ZNF704: variants seen among roughly 807,000 people sequenced by gnomAD.
ZNF704 encodes glucocorticoid induced gene 1.
A neutral mutation model predicts 44.7 loss-of-function variants in ZNF704; 10 were observed. That is an observed-to-expected ratio of 0.22 (90% CI 0.14 to 0.38). The LOEUF (loss-of-function observed/expected upper bound fraction) is 0.38. Among genes scored for constraint, ZNF704 ranks in the 10% least tolerant of loss-of-function variants. The pLI, the probability that ZNF704 is intolerant of heterozygous loss-of-function variation, is 1.00. For synonymous variants in ZNF704, 211 were observed against 207.6 expected, an observed-to-expected ratio of 1.02 and a Z score of -0.14; for missense variants, 390 against 545.5, an observed-to-expected ratio of 0.71 and a Z score of 2.84.
At chr8:80,802,273 C>T (rs1807914896) in intron 2 of ZNF704, among the ~76,000 whole-genome samples, 1 of 150,066 alleles carries the variant, frequency 6.7e-6, no homozygotes, top group South Asian at 2.1e-4. Flanking sequence ...AGAGCTGGTA[C>T]TATTTCTACT....
chr8:80,757,634 T>G (rs1487836742), intron 2 of ZNF704, among the ~76,000 whole-genome samples: 2 of 152,312 alleles, frequency 1.3e-5, no homozygotes, highest in East Asian at 3.9e-4. Flanking sequence ...ACTCACTCAC[T>G]GACTCACCCA....
chr8:80,802,611 C>A (rs1345187572), intron 2 of ZNF704, among the ~76,000 whole-genome samples: 1 of 152,096 alleles, frequency 6.6e-6, no homozygotes, highest in Non-Finnish European at 1.5e-5. Flanking sequence ...TCAATAGATG[C>A]AGAAAAGGCC....
intron 2 of ZNF704, among the ~76,000 whole-genome samples, chr8:80,700,422 T>C (rs1403685372): frequency 6.6e-6 from 1 of 152,160 alleles, no homozygotes; most frequent in Non-Finnish European, 1.5e-5. Flanking sequence ...ATCTGTAAAA[T>C]GGAAATGACA....
chr8:80,866,131 A>C (rs180735099), intron 1 of ZNF704, among the ~76,000 whole-genome samples: 2 of 152,338 alleles, frequency 1.3e-5, no homozygotes, highest in Admixed American at 1.3e-4. Flanking sequence ...GCCAAACCAC[A>C]GAATCTTCTT....
At chr8:80,779,119 T>C (rs1232726539) in intron 2 of ZNF704, among the ~76,000 whole-genome samples, 1 of 151,708 alleles carries the variant, frequency 6.6e-6, no homozygotes, top group Non-Finnish European at 1.5e-5. Flanking sequence ...TCTCCTTCAT[T>C]CTTTCCTTTC....
intron 4 of ZNF704, among the ~76,000 whole-genome samples, chr8:80,673,865 C>T (rs982770922): frequency 7.2e-5 from 11 of 152,236 alleles, no homozygotes; most frequent in African/African-American, 2.7e-4. Flanking sequence ...GCCCACTGTT[C>T]ACATGGGCTT....
intron 2 of ZNF704, among the ~76,000 whole-genome samples, chr8:80,772,588 G>A (rs920604252): frequency 1.3e-5 from 2 of 151,964 alleles, no homozygotes; most frequent in Non-Finnish European, 2.9e-5. Context: ...TAGGGGGATG[G>A]TGCTAAACCA....
At chr8:80,861,082 C>T (rs1313324639) in intron 1 of ZNF704, among the ~76,000 whole-genome samples, 4 of 152,154 alleles carry the variant, frequency 2.6e-5, no homozygotes. Context: ...AAAGTAGCCA[C>T]AAGACTGTCT....
rs1211995887 is a variant in ZNF704, at chr8:80,630,655, G to A, written c.*10711C>T. ...AAAAAATGACCGTAGGCCACTCGCA[G>A]TTGCATCTGATGATAGTCATGAACC... is the stretch of plus-strand genomic sequence containing the variant. On this transcript the variant is annotated 3_prime_UTR_variant, in exon 9 of 9. Coordinates refer to ENST00000327835, the MANE Select transcript of ZNF704 (RefSeq NM_001033723.3). The A allele has an allele frequency of 2.0e-5, 3 of 152,084 alleles. No individual in the cohort carries two copies. Among genetic ancestry groups the A allele is most frequent in the Non-Finnish European group, 4.4e-5 (3 of 68,006 alleles). The allele number at this position is 152,084 out of a possible 1,614,324, so 9.4% of individuals were successfully genotyped here. A position where few individuals can be genotyped will look rare whatever the true frequency, so the allele number is the denominator to read the frequency against.
At chr8:80,710,527 AC>A (rs751731386) in intron 2 of ZNF704, among the ~76,000 whole-genome samples, 1 of 152,024 alleles carries the variant, frequency 6.6e-6, no homozygotes, top group South Asian at 2.1e-4. Context: ...TTGAAGCCCT[AC>A]CCCTCGACAT....
rs759943900 is a variant in ZNF704, at chr8:80,753,989, T to TA, written c.222-60883dup. ...GGCGAAGTGATGCAGGCAGAGACCT[T>TA]AGTGTGTACACCCTAAGCAAGCAGC... On this transcript the variant is annotated intron_variant, in intron 2 of 8. Transcript: ENST00000327835. Among the ~76,000 whole-genome samples, 7 of 152,158 alleles carry TA rather than the reference T, an allele frequency of 4.6e-5. 1 individual carries two copies. Among genetic ancestry groups the TA allele is most frequent in the East Asian group, 3.9e-4 (2 of 5,194 alleles).
At chr8:80,646,424 C>T (rs187144889) in intron 7 of ZNF704, among the ~76,000 whole-genome samples, 83 of 149,668 alleles carry the variant, frequency 5.5e-4, no homozygotes, top group Middle Eastern at 3.4e-3. Context: ...AGCAGTGAGT[C>T]GAGATTGTGC....
rs1360693664 is a variant in ZNF704, at chr8:80,635,386, T to C, written c.*5980A>G. On this transcript the variant is annotated 3_prime_UTR_variant, in exon 9 of 9. Transcript: ENST00000327835. ...AAAAATCAAGCACTTGTTCTTTTTG[T>C]TTTGTTTTTTTATTTTCCTTTTTTA... is the stretch of plus-strand genomic sequence containing the variant. 6.6e-6 allele frequency: 1 copy of C among 152,194 alleles called. No homozygotes were observed. Among genetic ancestry groups the C allele is most frequent in the Admixed American group, 6.5e-5 (1 of 15,274 alleles). The allele number at this position is 152,194 out of a possible 1,614,324, so 9.4% of individuals were successfully genotyped here. A position where few individuals can be genotyped will look rare whatever the true frequency, so the allele number is the denominator to read the frequency against.
In ZNF704 at chr8:80,778,822, A is replaced by C. The variant is rs528161888; in HGVS notation, c.221+42552T>G. On this transcript the variant is annotated intron_variant, in intron 2 of 8. Transcript: ENST00000327835. Reference sequence around the variant, plus strand: ...CTAAACAATGAGAATTCATGAACACAAAGAAGGGAATGACAGACACTGGGG... The same window carrying C: ...CTAAACAATGAGAATTCATGAACACCAAGAAGGGAATGACAGACACTGGGG... Among the ~76,000 whole-genome samples, 12 of 152,294 alleles carry C rather than the reference A, an allele frequency of 7.9e-5. No individual in the cohort carries two copies. The South Asian group carries it at 1.7e-3, about 21-fold the overall frequency.
At chr8:80,744,580 G>C (rs1161594386) in intron 2 of ZNF704, among the ~76,000 whole-genome samples, 10 of 152,170 alleles carry the variant, frequency 6.6e-5, no homozygotes, top group African/African-American at 2.2e-4. Context: ...TCCCTGCTAA[G>C]TTTGTCATAA....
intron 2 of ZNF704, among the ~76,000 whole-genome samples, chr8:80,754,964 G>A (rs1258009370): frequency 1.3e-5 from 2 of 152,158 alleles, no homozygotes; most frequent in Non-Finnish European, 2.9e-5. Flanking sequence ...AGACTACTCT[G>A]ACCAATATAG....
In ZNF704 at chr8:80,679,772, C is replaced by A. The variant is rs1461387129; in HGVS notation, c.558+7454G>T. On this transcript the variant is annotated intron_variant, in intron 4 of 8. Coordinates refer to ENST00000327835, the MANE Select transcript of ZNF704 (RefSeq NM_001033723.3). Reference sequence around the variant, plus strand: ...CGTGTACTTTATTTAACACCCGCAACAGGCCCAGGAGGAGCTGAAGCTCCA... The same window carrying A: ...CGTGTACTTTATTTAACACCCGCAAAAGGCCCAGGAGGAGCTGAAGCTCCA... Among the ~76,000 whole-genome samples, 6 of 152,236 alleles carry A rather than the reference C, an allele frequency of 3.9e-5. No individual in the cohort carries two copies. In the East Asian group the frequency reaches 1.2e-3, roughly 29 times the overall value.
At chr8:80,730,538 TAAAAAAAAAAAAA>T (rs148942015) in intron 2 of ZNF704, among the ~76,000 whole-genome samples, 2 of 63,966 alleles carry the variant, frequency 3.1e-5, no homozygotes, top group South Asian at 8.6e-4. Context: ...GACTACATCT[TAAAAAAAAAAAAA>T]AAAAAAAAAA....
intron 2 of ZNF704, among the ~76,000 whole-genome samples, chr8:80,766,013 G>T (rs569158141): frequency 2.6e-5 from 4 of 152,020 alleles, no homozygotes; most frequent in Non-Finnish European, 4.4e-5. Flanking sequence ...TAAAAAAAAA[G>T]TTTAGTGAAC....
Sources: gnomAD v4.1 joint callset for allele counts (sites outside exome capture counted in the v4.1 genomes callset) on GRCh38, gnomAD v4.1.1 for gene constraint, MANE v1.5 for transcripts, NCBI Gene and HGNC (gene_info 2026-07-23, HGNC 2026-07-21) for gene names.